The following APP variants were observed in gnomAD, a reference collection of about 807,000 sequenced individuals.
APP encodes the protein amyloid beta precursor protein.
Under a neutral mutation model 101.4 loss-of-function variants are expected in APP, and 31 were observed. That is an observed-to-expected ratio of 0.31 (90% CI 0.23 to 0.41). APP has a LOEUF of 0.41. Ranked by LOEUF, APP falls within the 10% of genes least tolerant of loss-of-function variation. APP has a pLI of 1.00. For synonymous variants in APP, 366 were observed against 364.4 expected, an observed-to-expected ratio of 1.00 and a Z score of -0.05; for missense variants, 839 against 1,003.7, an observed-to-expected ratio of 0.84 and a Z score of 2.22.
intron 12 of APP, among the ~76,000 whole-genome samples, chr21:25,955,341 TACA>T (rs1158067185): frequency 6.6e-6 from 1 of 152,230 alleles, no homozygotes; most frequent in Non-Finnish European, 1.5e-5. Flanking sequence ...TTTTAGTTTA[TACA>T]ACTTTTGTTT....
chr21:25,938,741 C>T (rs1269708288), intron 13 of APP, among the ~76,000 whole-genome samples: 7 of 152,110 alleles, frequency 4.6e-5, no homozygotes, highest in Admixed American at 2.6e-4. Flanking sequence ...GCAGCTAAAC[C>T]GAAGACACCG....
chr21:25,904,281 T>C (rs538932323), intron 15 of APP, among the ~76,000 whole-genome samples: 14 of 152,336 alleles, frequency 9.2e-5, no homozygotes, highest in Admixed American at 7.8e-4. Flanking sequence ...CAGGCACATA[T>C]ATGCTTCTGC....
At chr21:26,160,941 A>G (rs777071014) in intron 1 of APP, among the ~76,000 whole-genome samples, 2 of 152,222 alleles carry the variant, frequency 1.3e-5, no homozygotes, top group Non-Finnish European at 1.5e-5. Context: ...TCACAATAAA[A>G]TGTTCCAAAA....
chr21:26,104,765 C>A (rs190066851), intron 2 of APP, among the ~76,000 whole-genome samples: 1 of 152,244 alleles, frequency 6.6e-6, no homozygotes, highest in Admixed American at 6.5e-5. Context: ...AAGCTATGCA[C>A]CAACATGTAT....
intron 3 of APP, among the ~76,000 whole-genome samples, chr21:26,057,888 T>A (rs1401629005): frequency 6.6e-6 from 1 of 152,232 alleles, no homozygotes; most frequent in Non-Finnish European, 1.5e-5. Context: ...TTTAATATTA[T>A]AATCTACAAT....
At chr21:26,046,114 C>A (rs552052883) in intron 5 of APP, among the ~76,000 whole-genome samples, 1 of 152,086 alleles carries the variant, frequency 6.6e-6, no homozygotes, top group East Asian at 1.9e-4. Context: ...TTGCCTCCCA[C>A]CGAGTCCCTT....
At chr21:25,884,695 T>TA (rs1219621182) in intron 17 of APP, among the ~76,000 whole-genome samples, 4 of 152,082 alleles carry the variant, frequency 2.6e-5, no homozygotes, top group East Asian at 1.9e-4. Context: ...ATGCCCAGGT[T>TA]AAAAAAAATT....
At chr21:26,149,789 G>A (rs1015848424) in intron 1 of APP, among the ~76,000 whole-genome samples, 4 of 152,134 alleles carry the variant, frequency 2.6e-5, no homozygotes, top group African/African-American at 9.7e-5. Context: ...CTCACCATTA[G>A]TTTTTATAAA....
chr21:26,164,889 T>C (rs1451179408), intron 1 of APP, among the ~76,000 whole-genome samples: 1 of 150,994 alleles, frequency 6.6e-6, no homozygotes, highest in East Asian at 1.9e-4. Flanking sequence ...ATCCATGTTA[T>C]GTGGAAAAAA....
chr21:25,970,513 C>T (rs991864008), intron 11 of APP, among the ~76,000 whole-genome samples: 3 of 152,022 alleles, frequency 2.0e-5, no homozygotes, highest in Non-Finnish European at 2.9e-5. Context: ...CTCCTGAAAG[C>T]GTGTTCTCCA....
intron 8 of APP, among the ~76,000 whole-genome samples, chr21:25,988,931 A>G (rs890657032): frequency 6.6e-6 from 1 of 152,116 alleles, no homozygotes; most frequent in African/African-American, 2.4e-5. Flanking sequence ...TGATACACGC[A>G]TGCTTGTCAC....
At chr21:25,886,506 G>A (rs959095004) in intron 17 of APP, among the ~76,000 whole-genome samples, 1 of 151,852 alleles carries the variant, frequency 6.6e-6, no homozygotes, top group African/African-American at 2.4e-5. Context: ...CGATTCTCCT[G>A]CCTCAGCCTC....
chr21:26,027,168 TGAGGGAA>T (rs1202966190), intron 5 of APP, among the ~76,000 whole-genome samples: 3 of 152,114 alleles, frequency 2.0e-5, no homozygotes, highest in Non-Finnish European at 4.4e-5. Flanking sequence ...CTTGCACTGA[TGAGGGAA>T]GAGGGAAGAC....
chr21:25,990,242 T>C (rs1284724569), intron 8 of APP, among the ~76,000 whole-genome samples: 1 of 152,236 alleles, frequency 6.6e-6, no homozygotes, highest in Non-Finnish European at 1.5e-5. Flanking sequence ...ATCTATGATG[T>C]GTTTACTCTA....
At chr21:25,952,314 T>C (rs142589061) in intron 13 of APP, among the ~76,000 whole-genome samples, 1 of 152,006 alleles carries the variant, frequency 6.6e-6, no homozygotes, top group Non-Finnish European at 1.5e-5. Context: ...CTGTTACATA[T>C]GTATACATGT....
chr21:26,112,910 T>A (rs1322461620), intron 1 of APP, among the ~76,000 whole-genome samples: 1 of 152,150 alleles, frequency 6.6e-6, no homozygotes, highest in Non-Finnish European at 1.5e-5. Flanking sequence ...AATAGACCAC[T>A]TCACAAAATA....
chr21:25,939,390 G>A (rs1320925749), intron 13 of APP, among the ~76,000 whole-genome samples: 1 of 152,196 alleles, frequency 6.6e-6, no homozygotes, highest in Non-Finnish European at 1.5e-5. Context: ...TTCTTTAATG[G>A]TTGCGATTTA....
At chr21:26,062,642 A>T (rs190577294) in intron 3 of APP, among the ~76,000 whole-genome samples, 2,597 of 138,734 alleles carry the variant, frequency 0.019, 32 homozygotes, top group South Asian at 0.033. Context: ...AGCCTGGGTG[A>T]CAGAGGGAGA....
chr21:26,063,267 A>G (rs911442698), intron 3 of APP, among the ~76,000 whole-genome samples: 2 of 152,218 alleles, frequency 1.3e-5, no homozygotes, highest in Admixed American at 6.5e-5. Flanking sequence ...TATAAATACA[A>G]CTAGTTAGCT....
Sources: allele counts gnomAD v4.1 joint callset (sites outside exome capture counted in the v4.1 genomes callset), GRCh38; gene constraint gnomAD v4.1.1; transcripts MANE v1.5; gene names NCBI Gene and HGNC (gene_info 2026-07-23, HGNC 2026-07-21).